The following HEATR3 variants were observed in gnomAD, a reference collection of about 807,000 sequenced individuals.
HEATR3 encodes HEAT repeat-containing protein 3.
In HEATR3, 56 loss-of-function variants were observed where a neutral mutation model predicts 72.8. The observed-to-expected ratio is 0.77, with a 90% CI of 0.62 to 0.96. HEATR3 has a LOEUF of 0.96. HEATR3 is among the 40% of genes least tolerant of loss of function. HEATR3 has a pLI of 0.00. For synonymous variants in HEATR3, 331 were observed against 318.1 expected (o/e 1.04, Z -0.43); for missense variants, 747 against 831.4 (o/e 0.90, Z 1.25).
intron 12 of HEATR3, among the ~76,000 whole-genome samples, chr16:50,095,945 ATTTC>A (rs2037225031): frequency 6.6e-6 from 1 of 152,180 alleles, no homozygotes; most frequent in Non-Finnish European, 1.5e-5. Flanking sequence ...ATTAACGGAT[ATTTC>A]TTATTATCCT....
chr16:50,092,461 G>A (rs545665340), intron 11 of HEATR3, among the ~76,000 whole-genome samples: 65 of 55,112 alleles, frequency 1.2e-3, no homozygotes, highest in African/African-American at 3.7e-3. Context: ...TTCCTGAGAC[G>A]AGTCTGGCTC....
chr16:50,096,496 C>T (rs2037241155), intron 12 of HEATR3, among the ~76,000 whole-genome samples: 1 of 152,022 alleles, frequency 6.6e-6, no homozygotes, highest in Non-Finnish European at 1.5e-5. Flanking sequence ...TGCAGTTTAT[C>T]CATTTAAAGT....
Position 50,066,026 on chromosome 16 carries a change from C to T in HEATR3, c.-106C>T, listed in dbSNP as rs1232903646. The T allele has an allele frequency of 7.9e-7, 1 of 1,273,758 alleles. No individual in the cohort carries two copies. The highest frequency in any genetic ancestry group is 1.1e-6 in the Non-Finnish European group (1 of 933,750). The allele number at this position is 1,273,758 out of a possible 1,614,324, so 78.9% of individuals were successfully genotyped here. On this transcript the variant is annotated 5_prime_UTR_variant, in exon 1 of 15. Coordinates refer to ENST00000299192, the MANE Select transcript of HEATR3 (RefSeq NM_182922.4). ...GCCCATGTGTGCTGCAGCCGTCAGC[C>T]GGCCCAGCTGAGCAGCAGCAACGGA...
intron 7 of HEATR3, among the ~76,000 whole-genome samples, chr16:50,083,343 A>G (rs1191295440): frequency 1.3e-5 from 2 of 152,102 alleles, no homozygotes; most frequent in Non-Finnish European, 2.9e-5. Context: ...TTGGCGTTAT[A>G]TATTTTCAGA....
intron 7 of HEATR3, among the ~76,000 whole-genome samples, chr16:50,081,521 G>A (rs1384104289): frequency 6.6e-6 from 1 of 151,980 alleles, no homozygotes; most frequent in East Asian, 1.9e-4. Context: ...GGGGCGGGGG[G>A]TAGAGGAGAA....
chr16:50,097,600 A>G (rs1263921603), intron 12 of HEATR3, among the ~76,000 whole-genome samples: 1 of 151,948 alleles, frequency 6.6e-6, no homozygotes, highest in African/African-American at 2.4e-5. Flanking sequence ...CCCAGGTTCA[A>G]TTTGTAATTT....
chr16:50,074,678 T>A (rs367951613), intron 5 of HEATR3: 16 of 151,960 alleles, frequency 1.1e-4, no homozygotes, highest in Admixed American at 2.0e-4. Context: ...GTAACGACAT[T>A]GCCGCATTTA....
intron 12 of HEATR3, among the ~76,000 whole-genome samples, chr16:50,099,047 C>G (rs1567447435): frequency 6.6e-6 from 1 of 151,870 alleles, no homozygotes; most frequent in African/African-American, 2.4e-5. Context: ...GTTGCCCAGC[C>G]TGGTCTTAAA....
intron 7 of HEATR3, among the ~76,000 whole-genome samples, chr16:50,081,018 G>T (rs890245548): frequency 2.0e-5 from 3 of 152,202 alleles, no homozygotes; most frequent in African/African-American, 7.2e-5. Context: ...GTCTAACAAG[G>T]TTTAGATAGA....
chr16:50,085,153 G>A (rs946839578), intron 10 of HEATR3, among the ~76,000 whole-genome samples: 1 of 152,158 alleles, frequency 6.6e-6, no homozygotes, highest in Non-Finnish European at 1.5e-5. Flanking sequence ...AAGTCTGTAT[G>A]GTGCTTACCT....
At chr16:50,066,303 G>C (rs7192665) in intron 1 of HEATR3, 34 bp downstream of exon 1, 137,778 of 1,574,956 alleles carry the variant, frequency 0.087, 7,237 homozygotes, top group East Asian at 0.29. Context: ...CGGGAGGCGA[G>C]ACGAGGTTGC....
At chr16:50,092,240 G>A (rs1162846572) in intron 11 of HEATR3, among the ~76,000 whole-genome samples, 1 of 151,828 alleles carries the variant, frequency 6.6e-6, no homozygotes, top group Non-Finnish European at 1.5e-5. Flanking sequence ...GGAGGCTGAG[G>A]CAGGAGCTGA....
chr16:50,084,423 G>A, intron 9 of HEATR3, 132 bp downstream of exon 9: 4 of 1,235,778 alleles, frequency 3.2e-6, no homozygotes, highest in Non-Finnish European at 4.5e-6. Context: ...ACAAAGCTGA[G>A]CCTAACAGTA....
chr16:50,087,811 C>G (rs1358160605), intron 11 of HEATR3, among the ~76,000 whole-genome samples: 1 of 152,154 alleles, frequency 6.6e-6, no homozygotes, highest in African/African-American at 2.4e-5. Context: ...TCAGACACAA[C>G]ATTAAGTCCA....
Position 50,104,714 on chromosome 16 carries a change from C to A in HEATR3, c.1921-225C>A, listed in dbSNP as rs573374286. Among the ~76,000 whole-genome samples, 211 of 152,286 alleles carry A rather than the reference C, an allele frequency of 1.4e-3. 1 individual carries two copies. Among genetic ancestry groups the A allele is most frequent in the African/African-American group, 4.8e-3 (199 of 41,552 alleles). On this transcript the variant is annotated intron_variant, in intron 14 of 14. Coordinates refer to ENST00000299192, the MANE Select transcript of HEATR3 (RefSeq NM_182922.4). ...CTATAGTTTATATAACTCCTACCAC[C>A]TGCCATTCAGTCACCTTTGTAACTA... is the stretch of plus-strand genomic sequence containing the variant.
intron 7 of HEATR3, chr16:50,080,204 G>A (rs1478842628): frequency 6.6e-6 from 1 of 152,136 alleles, no homozygotes; most frequent in Non-Finnish European, 1.5e-5. Context: ...GTAAATTGAT[G>A]GTGTTTCAAA....
intron 13 of HEATR3, chr16:50,100,733 T>C (rs2037347225): frequency 4.0e-6 from 1 of 247,488 alleles, no homozygotes; most frequent in African/African-American, 2.3e-5. Flanking sequence ...GAATGAACAA[T>C]CCACACCATT....
At chr16:50,084,865 C>T (rs534945519) in intron 10 of HEATR3, among the ~76,000 whole-genome samples, 33 of 152,238 alleles carry the variant, frequency 2.2e-4, no homozygotes, top group African/African-American at 7.2e-4. Flanking sequence ...CATAAACAAA[C>T]GTGTTGTCCA....
chr16:50,095,499 A>G (rs1462373578), intron 12 of HEATR3, among the ~76,000 whole-genome samples: 1 of 149,650 alleles, frequency 6.7e-6, no homozygotes, highest in Admixed American at 6.8e-5. Context: ...TTCATCTCCC[A>G]TAGGTGCCTT....
Sources: gnomAD v4.1 joint callset for allele counts (sites outside exome capture counted in the v4.1 genomes callset) on GRCh38, gnomAD v4.1.1 for gene constraint, MANE v1.5 for transcripts, NCBI Gene and HGNC (gene_info 2026-07-23, HGNC 2026-07-21) for gene names.